The following TOX2 variants were observed in gnomAD, a reference collection of about 807,000 sequenced individuals.
TOX2 encodes granulosa cell HMG box 1.
In TOX2, 15 loss-of-function variants were observed where a neutral mutation model predicts 47.4. That is an observed-to-expected ratio of 0.32 (90% CI 0.21 to 0.49). The LOEUF (loss-of-function observed/expected upper bound fraction) is 0.49, where lower values mean the gene tolerates loss of function less well. Ranked by LOEUF, TOX2 falls within the 20% of genes least tolerant of loss-of-function variation. TOX2 has a pLI of 0.99. For missense variants in TOX2, 622 were observed against 673.1 expected, an observed-to-expected ratio of 0.92 and a Z score of 0.84; for synonymous variants, 290 against 296.6, an observed-to-expected ratio of 0.98 and a Z score of 0.23.
intron 1 of TOX2, among the ~76,000 whole-genome samples, chr20:43,947,201 GGC>G (rs1324141646): frequency 6.6e-6 from 1 of 152,062 alleles, no homozygotes; most frequent in Admixed American, 6.6e-5. Flanking sequence ...ATCTCAGCTC[GGC>G]CATAAATACA....
intron 2 of TOX2, among the ~76,000 whole-genome samples, chr20:43,977,117 A>G (rs1031478587): frequency 3.9e-5 from 6 of 152,140 alleles, no homozygotes; most frequent in Admixed American, 2.6e-4. Context: ...ATATGTATAT[A>G]TTTTTGAGAT....
At chr20:43,992,067 G>A (rs1037610095) in intron 2 of TOX2, among the ~76,000 whole-genome samples, 11 of 152,314 alleles carry the variant, frequency 7.2e-5, no homozygotes, top group Non-Finnish European at 1.3e-4. Flanking sequence ...CAGGGAAGGC[G>A]CTGCTGAGAA....
chr20:44,069,280 T>TTTATC lies in TOX2; in HGVS notation c.*598_*602dup, dbSNP rs879085628. On this transcript the variant is annotated 3_prime_UTR_variant, in exon 9 of 9. Coordinates refer to ENST00000341197, the MANE Select transcript of TOX2 (RefSeq NM_001098797.2). ...TATGATCCTTAGCACATTTTTAAGT[T>TTTATC]TTATCTTAAGGGAGACGCGCACAAA... 5.8e-5 allele frequency: 11 copies of TTTATC among 190,704 alleles called. No homozygotes were observed. In the South Asian group the frequency reaches 9.0e-4, roughly 16 times the overall value. The allele number at this position is 190,704 out of a possible 1,614,324, so 11.8% of individuals were successfully genotyped here.
At chr20:44,051,104 C>T (rs548365769) in intron 3 of TOX2, among the ~76,000 whole-genome samples, 4 of 152,318 alleles carry the variant, frequency 2.6e-5, no homozygotes, top group East Asian at 3.9e-4. Context: ...ACGGAGCTGC[C>T]GGTTTCCCAC....
At chr20:43,995,545 T>C (rs765374778) in intron 2 of TOX2, among the ~76,000 whole-genome samples, 3 of 152,146 alleles carry the variant, frequency 2.0e-5, no homozygotes, top group Non-Finnish European at 2.9e-5. Context: ...GGTTCAGGGG[T>C]ACGTGTGAAG....
At chr20:44,038,949 C>T (rs1001017146) in intron 3 of TOX2, 4 of 1,183,608 alleles carry the variant, frequency 3.4e-6, no homozygotes, top group South Asian at 1.6e-5. Context: ...CTGCTGCCTC[C>T]GTGTCTCCTC....
In TOX2 at chr20:44,068,653, G is replaced by A; in HGVS notation, c.1488G>A (p.Leu496=). ...CAGCCCCTCCTCTCTCTCACAGCCT[G>A]CTCCCCAGGGACAAATCGCTCTACC... ...SGECGISTCS[L]LPRDKSLYLT Residue 496 remains leucine (L), a synonymous_variant, in exon 9 of 9, where the codon CTG becomes CTA. Coordinates refer to ENST00000341197, the MANE Select transcript of TOX2 (RefSeq NM_001098797.2). 6.2e-7 allele frequency: 1 copy of A among 1,612,458 alleles called. No individual in the cohort carries two copies. Among genetic ancestry groups the A allele is most frequent in the Non-Finnish European group, 8.5e-7 (1 of 1,178,732 alleles).
At chr20:44,039,551 CAA>C (rs1233599439) in intron 3 of TOX2, among the ~76,000 whole-genome samples, 1 of 152,108 alleles carries the variant, frequency 6.6e-6, no homozygotes, top group East Asian at 1.9e-4. Flanking sequence ...GACCCTGACA[CAA>C]AGGTTTGGGT....
At chr20:43,946,901 A>G (rs1394458174) in intron 1 of TOX2, among the ~76,000 whole-genome samples, 1 of 152,238 alleles carries the variant, frequency 6.6e-6, no homozygotes, top group African/African-American at 2.4e-5. Flanking sequence ...CTGATTTATC[A>G]CAGCCATTGT....
intron 1 of TOX2, among the ~76,000 whole-genome samples, chr20:43,959,245 G>A (rs965006874): frequency 2.0e-5 from 3 of 152,256 alleles, no homozygotes; most frequent in Non-Finnish European, 4.4e-5. Flanking sequence ...CTGCCATGCA[G>A]CAGCTTAGTG....
chr20:43,934,002 G>A (rs945484605), intron 1 of TOX2, among the ~76,000 whole-genome samples: 3 of 152,006 alleles, frequency 2.0e-5, no homozygotes, highest in Non-Finnish European at 4.4e-5. Context: ...GGAGCTGCGT[G>A]TGCTGCAGGT....
At position 43,950,669 on chromosome 20, in the gene TOX2, A is replaced by C. The variant is rs554430622; in HGVS notation, c.100-22698A>C. On this transcript the variant is annotated intron_variant, in intron 1 of 8. Transcript: ENST00000341197. ...TCTTGGCTCCACTATCACTTCCTCA[A>C]TGAGGCCCACCTTGACTGCTCTGTT... 5.3e-5 allele frequency among the ~76,000 whole-genome samples: 8 copies of C among 151,906 alleles called. No individual in the cohort carries two copies. In the South Asian group the frequency reaches 1.7e-3, roughly 32 times the overall value.
chr20:43,993,534 G>C (rs1600717166), intron 2 of TOX2, among the ~76,000 whole-genome samples: 1 of 152,134 alleles, frequency 6.6e-6, no homozygotes, highest in South Asian at 2.1e-4. Context: ...GGAATACTGA[G>C]GGGGAAATGG....
At chr20:44,017,408 C>T (rs1399083975) in intron 3 of TOX2, among the ~76,000 whole-genome samples, 1 of 152,112 alleles carries the variant, frequency 6.6e-6, no homozygotes, top group Non-Finnish European at 1.5e-5. Flanking sequence ...ACCCGGCTTT[C>T]CCTGGGGCTG....
At chr20:43,963,696 A>G (rs8120707) in intron 1 of TOX2, among the ~76,000 whole-genome samples, 3,139 of 152,348 alleles carry the variant, frequency 0.021, 54 homozygotes, top group South Asian at 0.059. Context: ...ACATTTTTGA[A>G]GAATTGTTAA....
chr20:44,064,824 C>G lies in TOX2; in HGVS notation c.927C>G (p.Ala309=), dbSNP rs1881604843. The G allele has an allele frequency of 6.2e-7, 1 of 1,614,152 alleles. No individual in the cohort carries two copies. The highest frequency in any genetic ancestry group is 2.2e-5 in the East Asian group (1 of 44,884). Residue 309 remains alanine, a synonymous_variant, in exon 6 of 9, where the codon GCC becomes GCG. Transcript: ENST00000341197. ...CAGCAAAGAAGGAATATCTGAAGGC[C>G]CTGGCAGCCTACCGGGCTAGCCTCG... ...TEAAKKEYLK[A]LAAYRASLVS...
At chr20:43,928,231 G>A (rs970824620) in intron 1 of TOX2, among the ~76,000 whole-genome samples, 5 of 152,216 alleles carry the variant, frequency 3.3e-5, no homozygotes, top group African/African-American at 1.2e-4. Context: ...CAGTTTTCTC[G>A]TATACAAAAT....
intron 2 of TOX2, among the ~76,000 whole-genome samples, chr20:43,973,730 T>G (rs1277226620): frequency 6.6e-6 from 1 of 152,140 alleles, no homozygotes; most frequent in African/African-American, 2.4e-5. Context: ...CAGCAGTGAG[T>G]TGAGGTGCCT....
At chr20:43,955,334 A>G (rs2069649194) in intron 1 of TOX2, 1 of 983,690 alleles carries the variant, frequency 1.0e-6, no homozygotes, top group Non-Finnish European at 1.2e-6. Context: ...TCTGGCAGCC[A>G]TCGCAGAGCC....
Sources: gnomAD v4.1 joint callset for allele counts (sites outside exome capture counted in the v4.1 genomes callset) on GRCh38, gnomAD v4.1.1 for gene constraint, MANE v1.5 for transcripts, NCBI Gene and HGNC (gene_info 2026-07-23, HGNC 2026-07-21) for gene names.